Variants in ENOX1 observed in about 807,000 individuals in gnomAD.
The protein encoded by ENOX1 is candidate growth-related and time keeping constitutive hydroquinone (NADH) oxidase.
ENOX1 carries 42 observed loss-of-function variants against 82.5 expected under a neutral mutation model. The observed-to-expected ratio is 0.51, with a 90% confidence interval of 0.40 to 0.66. The LOEUF (loss-of-function observed/expected upper bound fraction) is 0.66. Ranked by LOEUF, ENOX1 falls within the 30% of genes least tolerant of loss-of-function variation. The probability of loss-of-function intolerance (pLI) is 0.00; values close to 1 mark genes in which losing one functional copy is unlikely to be tolerated. For missense variants in ENOX1, 608 were observed against 811.6 expected, an observed-to-expected ratio of 0.75 and a Z score of 3.05; for synonymous variants, 271 against 282.2, an observed-to-expected ratio of 0.96 and a Z score of 0.40.
At chr13:43,745,504 C>T (rs1162083615) in intron 1 of ENOX1, among the ~76,000 whole-genome samples, 2 of 152,096 alleles carry the variant, frequency 1.3e-5, no homozygotes, top group African/African-American at 4.8e-5. Flanking sequence ...ATTGTAAGAA[C>T]ACATACACTA....
intron 2 of ENOX1, among the ~76,000 whole-genome samples, chr13:43,570,024 A>T (rs2080108404): frequency 1.3e-5 from 2 of 152,130 alleles, no homozygotes; most frequent in Admixed American, 1.3e-4. Flanking sequence ...CTTTGTCTTA[A>T]TTTTCTGTTT....
intron 13 of ENOX1, among the ~76,000 whole-genome samples, chr13:43,269,047 G>C (rs1041758198): frequency 6.6e-6 from 1 of 152,052 alleles, no homozygotes; most frequent in Non-Finnish European, 1.5e-5. Context: ...TGATGCACAG[G>C]GAAGATACTT....
At chr13:43,585,663 C>T (rs1017178569) in intron 2 of ENOX1, among the ~76,000 whole-genome samples, 4 of 152,124 alleles carry the variant, frequency 2.6e-5, no homozygotes, top group African/African-American at 4.8e-5. Context: ...CTGCAACCTC[C>T]GTCTCCTGGG....
intron 11 of ENOX1, among the ~76,000 whole-genome samples, chr13:43,314,342 G>A (rs978545949): frequency 5.9e-5 from 9 of 152,172 alleles, no homozygotes; most frequent in Non-Finnish European, 1.2e-4. Context: ...CCAAGAAAGG[G>A]AAGGAAGTAC....
intron 2 of ENOX1, among the ~76,000 whole-genome samples, chr13:43,531,054 CA>C (rs912648326): frequency 6.6e-6 from 1 of 150,816 alleles, no homozygotes; most frequent in Non-Finnish European, 1.5e-5. Flanking sequence ...AAATATAATA[CA>C]AAAAAACTAA....
chr13:43,414,166 C>A (rs1457612926), intron 3 of ENOX1, among the ~76,000 whole-genome samples: 1 of 152,124 alleles, frequency 6.6e-6, no homozygotes, highest in Admixed American at 6.5e-5. Flanking sequence ...TCAAAAAGAA[C>A]TTCTGATCAG....
chr13:43,302,160 G>C (rs1274811995), intron 11 of ENOX1, among the ~76,000 whole-genome samples: 1 of 151,082 alleles, frequency 6.6e-6, no homozygotes, highest in Non-Finnish European at 1.5e-5. Context: ...TTCCTAAGGA[G>C]TGCACCGAGT....
chr13:43,482,392 A>T (rs1447285615), intron 3 of ENOX1, among the ~76,000 whole-genome samples: 2 of 152,216 alleles, frequency 1.3e-5, no homozygotes, highest in Non-Finnish European at 2.9e-5. Context: ...AAGGACAAGT[A>T]CTGCATGATT....
chr13:43,522,732 G>A (rs1277760249), intron 2 of ENOX1, among the ~76,000 whole-genome samples: 1 of 151,938 alleles, frequency 6.6e-6, no homozygotes, highest in Non-Finnish European at 1.5e-5. Flanking sequence ...CCAGATTTGT[G>A]GATTTCATGC....
At chr13:43,716,673 T>C (rs571508762) in intron 1 of ENOX1, among the ~76,000 whole-genome samples, 3 of 152,114 alleles carry the variant, frequency 2.0e-5, no homozygotes, top group African/African-American at 7.2e-5. Flanking sequence ...GACAAACTAA[T>C]TCAGTTAAAT....
At chr13:43,272,882 G>A (rs917885452) in intron 12 of ENOX1, among the ~76,000 whole-genome samples, 11 of 152,110 alleles carry the variant, frequency 7.2e-5, no homozygotes, top group Admixed American at 7.2e-4. Flanking sequence ...CTACTATAAT[G>A]TGACTTTAAT....
intron 1 of ENOX1, among the ~76,000 whole-genome samples, chr13:43,726,531 T>G (rs2088967497): frequency 6.6e-6 from 1 of 152,120 alleles, no homozygotes; most frequent in Non-Finnish European, 1.5e-5. Context: ...GTTTCAACTT[T>G]AATCATTCAT....
chr13:43,626,847 T>A (rs1439491940), intron 2 of ENOX1, among the ~76,000 whole-genome samples: 1 of 151,920 alleles, frequency 6.6e-6, no homozygotes, highest in Non-Finnish European at 1.5e-5. Flanking sequence ...CCTTACTGAT[T>A]TTCTGTATAA....
chr13:43,783,826 A>C (rs954010935), intron 1 of ENOX1, among the ~76,000 whole-genome samples: 1 of 152,164 alleles, frequency 6.6e-6, no homozygotes, highest in African/African-American at 2.4e-5. Flanking sequence ...TTATAATAAA[A>C]CATTTAATAT....
At chr13:43,320,616 T>A (rs2047754495) in intron 11 of ENOX1, among the ~76,000 whole-genome samples, 1 of 152,092 alleles carries the variant, frequency 6.6e-6, no homozygotes, top group Non-Finnish European at 1.5e-5. Context: ...TATACACAAT[T>A]CTTACTTGGG....
chr13:43,705,279 C>G (rs1295902899), intron 1 of ENOX1, among the ~76,000 whole-genome samples: 3 of 149,238 alleles, frequency 2.0e-5, no homozygotes, highest in African/African-American at 7.4e-5. Flanking sequence ...GAGTGGGACT[C>G]CATCTCAAAA....
At chr13:43,237,792 C>T (rs144740203) in intron 14 of ENOX1, among the ~76,000 whole-genome samples, 5 of 152,328 alleles carry the variant, frequency 3.3e-5, no homozygotes, top group African/African-American at 9.6e-5. Flanking sequence ...GTGAAAACCA[C>T]ACCCGAAGGC....
At chr13:43,266,700 T>C (rs2044389465) in intron 13 of ENOX1, among the ~76,000 whole-genome samples, 1 of 152,148 alleles carries the variant, frequency 6.6e-6, no homozygotes, top group Non-Finnish European at 1.5e-5. Flanking sequence ...AGGAATACTG[T>C]CTATTATCAC....
At chr13:43,365,776 C>T (rs921480451) in intron 5 of ENOX1, among the ~76,000 whole-genome samples, 3 of 152,184 alleles carry the variant, frequency 2.0e-5, no homozygotes, top group African/African-American at 7.2e-5. Flanking sequence ...CAGCATAAAG[C>T]CTGCTTGGAT....
Sources: gnomAD v4.1 joint callset for allele counts (sites outside exome capture counted in the v4.1 genomes callset) on GRCh38, gnomAD v4.1.1 for gene constraint, MANE v1.5 for transcripts, NCBI Gene and HGNC (gene_info 2026-07-23, HGNC 2026-07-21) for gene names.